DDC: variants seen among roughly 807,000 people sequenced by gnomAD.
The protein encoded by DDC is aromatic-L-amino-acid decarboxylase.
A neutral mutation model predicts 60.0 loss-of-function variants in DDC; 43 were observed. That is an observed-to-expected ratio of 0.72 (90% CI 0.56 to 0.92). The LOEUF (loss-of-function observed/expected upper bound fraction) is 0.92. Among genes scored for constraint, DDC ranks in the 40% least tolerant of loss-of-function variants. DDC has a pLI of 0.00. For synonymous variants in DDC, 232 were observed against 234.6 expected, an observed-to-expected ratio of 0.99 and a Z score of 0.10; for missense variants, 573 against 620.2, an observed-to-expected ratio of 0.92 and a Z score of 0.81.
At chr7:50,533,582 A>T (rs1327893436) in intron 4 of DDC, among the ~76,000 whole-genome samples, 2 of 152,210 alleles carry the variant, frequency 1.3e-5, no homozygotes, top group Non-Finnish European at 2.9e-5. Context: ...GGCGTGAGCC[A>T]CCACACCAGG....
At chr7:50,544,174 T>A (rs2044729566) in intron 1 of DDC, 61 bp from the exon 2 acceptor site, 1 of 1,328,118 alleles carries the variant, frequency 7.5e-7, no homozygotes, top group Admixed American at 1.7e-5. Context: ...AAGGCGGGGA[T>A]ACCAAGCAAG....
intron 4 of DDC, among the ~76,000 whole-genome samples, chr7:50,533,860 G>A (rs1031177560): frequency 6.6e-6 from 1 of 152,218 alleles, no homozygotes; most frequent in Non-Finnish European, 1.5e-5. Flanking sequence ...AACAGTCTGG[G>A]TGCAGTGGCT....
intron 1 of DDC, among the ~76,000 whole-genome samples, chr7:50,562,758 C>T (rs1036676694): frequency 6.6e-6 from 1 of 152,236 alleles, no homozygotes; most frequent in African/African-American, 2.4e-5. Context: ...GGGCTACACA[C>T]CAGGGGGACA....
At chr7:50,530,976 T>C (rs551689604) in intron 4 of DDC, among the ~76,000 whole-genome samples, 2 of 152,218 alleles carry the variant, frequency 1.3e-5, no homozygotes, top group Non-Finnish European at 2.9e-5. Flanking sequence ...CCAACCCACA[T>C]CCTTTGGTGG....
At chr7:50,499,891 C>G (rs1019348158) in intron 7 of DDC, among the ~76,000 whole-genome samples, 6 of 152,190 alleles carry the variant, frequency 3.9e-5, no homozygotes, top group African/African-American at 1.4e-4. Flanking sequence ...ACTCCTGCTT[C>G]CAGTTGCTCC....
At chr7:50,481,727 C>A (rs987921954) in intron 9 of DDC, among the ~76,000 whole-genome samples, 1 of 152,168 alleles carries the variant, frequency 6.6e-6, no homozygotes, top group South Asian at 2.1e-4. Context: ...CCTACTCTTA[C>A]ATAGTTCTAC....
chr7:50,477,275 T>C (rs1181320607), intron 10 of DDC, among the ~76,000 whole-genome samples: 3 of 152,192 alleles, frequency 2.0e-5, no homozygotes, highest in Non-Finnish European at 4.4e-5. Context: ...GAAGGAACCC[T>C]GAATGCAGGC....
chr7:50,490,976 G>T (rs1490158275), intron 9 of DDC, among the ~76,000 whole-genome samples: 1 of 152,164 alleles, frequency 6.6e-6, no homozygotes, highest in Non-Finnish European at 1.5e-5. Context: ...TCTGTAATTA[G>T]AGTCTAGCCT....
chr7:50,518,183 C>T (rs1251701819), intron 6 of DDC, among the ~76,000 whole-genome samples: 1 of 149,584 alleles, frequency 6.7e-6, no homozygotes, highest in Non-Finnish European at 1.5e-5. Context: ...CTGCACTCCA[C>T]CCTGGGTGAC....
chr7:50,478,540 G>A (rs2042698844), intron 10 of DDC, among the ~76,000 whole-genome samples: 1 of 152,164 alleles, frequency 6.6e-6, no homozygotes, highest in Non-Finnish European at 1.5e-5. Flanking sequence ...CAGATACGGT[G>A]TCTAATTAGT....
intron 12 of DDC, 34 bp from the exon 13 acceptor site, chr7:50,467,349 A>G (rs1413068884): frequency 1.9e-6 from 3 of 1,562,806 alleles, no homozygotes; most frequent in Non-Finnish European, 2.6e-6. Flanking sequence ...TGTTTTTCTC[A>G]TGGCCATTTA....
intron 6 of DDC, among the ~76,000 whole-genome samples, chr7:50,526,569 A>G (rs1284134691): frequency 6.6e-6 from 1 of 152,246 alleles, no homozygotes; most frequent in Non-Finnish European, 1.5e-5. Context: ...CAATCATATA[A>G]TAGTTGAGCC....
chr7:50,522,312 G>T (rs192317703), intron 6 of DDC, among the ~76,000 whole-genome samples: 1 of 152,212 alleles, frequency 6.6e-6, no homozygotes, highest in East Asian at 1.9e-4. Flanking sequence ...ACATGGATAG[G>T]AAGTCTCAAT....
chr7:50,506,789 C>T (rs1468704508), intron 6 of DDC, among the ~76,000 whole-genome samples: 1 of 152,252 alleles, frequency 6.6e-6, no homozygotes, highest in Admixed American at 6.5e-5. Context: ...CCCGGTCTAT[C>T]AGGTGCCAAC....
intron 6 of DDC, among the ~76,000 whole-genome samples, chr7:50,527,025 T>A (rs201908151): frequency 0.42 from 64,263 of 151,856 alleles, 14,644 homozygotes; most frequent in Non-Finnish European, 0.52. Flanking sequence ...TGTGAGATTT[T>A]TAACATACCT....
intron 3 of DDC, among the ~76,000 whole-genome samples, chr7:50,539,336 A>G (rs901134594): frequency 6.6e-6 from 1 of 151,258 alleles, no homozygotes; most frequent in Non-Finnish European, 1.5e-5. Context: ...GCACAGAGTC[A>G]CGGGCAGAGC....
chr7:50,516,621 A>G (rs950062236), intron 6 of DDC, among the ~76,000 whole-genome samples: 1 of 152,152 alleles, frequency 6.6e-6, no homozygotes, highest in African/African-American at 2.4e-5. Context: ...AAAATACAAA[A>G]GATAAATGAA....
At chr7:50,514,274 A>G (rs2876826) in intron 6 of DDC, among the ~76,000 whole-genome samples, 29,018 of 152,170 alleles carry the variant, frequency 0.19, 3,130 homozygotes, top group South Asian at 0.26. Flanking sequence ...CCATAGGAAA[A>G]AGGGGAGAGT....
At chr7:50,545,398 A>C (rs755145162) in intron 1 of DDC, among the ~76,000 whole-genome samples, 8 of 152,254 alleles carry the variant, frequency 5.3e-5, no homozygotes, top group Non-Finnish European at 8.8e-5. Context: ...CAACACAAAG[A>C]AAAAGATAAG....
Sources: gnomAD v4.1 joint callset for allele counts (sites outside exome capture counted in the v4.1 genomes callset) on GRCh38, gnomAD v4.1.1 for gene constraint, MANE v1.5 for transcripts, NCBI Gene and HGNC (gene_info 2026-07-23, HGNC 2026-07-21) for gene names.